Variants in KHDRBS3 observed in about 807,000 individuals in gnomAD.
KHDRBS3 encodes the protein KH RNA binding domain containing, signal transduction associated 3.
In KHDRBS3, 23 loss-of-function variants were observed where a neutral mutation model predicts 45.6. That is an observed-to-expected ratio of 0.50 (90% CI 0.36 to 0.72). The LOEUF is 0.72. KHDRBS3 is among the 30% of genes least tolerant of loss of function. The probability of loss-of-function intolerance (pLI) is 0.00; values close to 1 mark genes in which losing one functional copy is unlikely to be tolerated. For synonymous variants in KHDRBS3, 162 were observed against 156.5 expected (o/e 1.04, Z -0.26); for missense variants, 352 against 424.8 (o/e 0.83, Z 1.51).
At chr8:135,613,513 A>C (rs764598830) in intron 7 of KHDRBS3, among the ~76,000 whole-genome samples, 1 of 151,770 alleles carries the variant, frequency 6.6e-6, no homozygotes, top group Non-Finnish European at 1.5e-5. Flanking sequence ...TCTCTGCTTG[A>C]GGACTGAATG....
intron 1 of KHDRBS3, among the ~76,000 whole-genome samples, chr8:135,519,912 A>G (rs1824821463): frequency 6.6e-6 from 1 of 152,206 alleles, no homozygotes; most frequent in Admixed American, 6.5e-5. Flanking sequence ...CAAAGCCTCT[A>G]GCTTAAATAA....
At position 135,494,273 on chromosome 8, in the gene KHDRBS3, A is replaced by ATTTTTTTTTTTTTT. The variant is rs386414089; in HGVS notation, c.89-26954_89-26941dup. On this transcript the variant is annotated intron_variant, in intron 1 of 8. Coordinates refer to ENST00000355849, the MANE Select transcript of KHDRBS3 (RefSeq NM_006558.3). ...TATTTTTTCCTCTTCTGTTTCTCTT[A>ATTTTTTTTTTTTTT]TTTTTTTTTTTTTTTTTTTTTTTGA... Among the ~76,000 whole-genome samples the ATTTTTTTTTTTTTT allele has an allele frequency of 3.8e-5, 3 of 78,624 alleles. 1 individual carries two copies. The highest frequency in any genetic ancestry group is 6.6e-5 in the Non-Finnish European group (3 of 45,478). 51.6% of individuals were successfully genotyped at this position (78,624 alleles called of 152,430 possible).
At chr8:135,622,985 T>G (rs1261259983) in intron 7 of KHDRBS3, among the ~76,000 whole-genome samples, 1 of 152,222 alleles carries the variant, frequency 6.6e-6, no homozygotes, top group Non-Finnish European at 1.5e-5. Flanking sequence ...TGACCCCTTT[T>G]CTACTCTCCA....
chr8:135,644,389 T>A (rs540316765), intron 7 of KHDRBS3, among the ~76,000 whole-genome samples: 6 of 152,166 alleles, frequency 3.9e-5, no homozygotes, highest in Non-Finnish European at 8.8e-5. Flanking sequence ...ACTGCAGAGA[T>A]CCATTTCCCT....
chr8:135,595,299 C>T (rs1828924503), intron 6 of KHDRBS3, among the ~76,000 whole-genome samples: 1 of 152,090 alleles, frequency 6.6e-6, no homozygotes, highest in Non-Finnish European at 1.5e-5. Context: ...TGCTGTGTGG[C>T]TTGGTTGTAT....
chr8:135,488,984 C>G (rs1823004199), intron 1 of KHDRBS3, among the ~76,000 whole-genome samples: 1 of 152,100 alleles, frequency 6.6e-6, no homozygotes, highest in Non-Finnish European at 1.5e-5. Flanking sequence ...TTTAAGCCTT[C>G]TGTATTTTTC....
At chr8:135,522,318 A>G (rs961207587) in intron 2 of KHDRBS3, among the ~76,000 whole-genome samples, 1 of 152,202 alleles carries the variant, frequency 6.6e-6, no homozygotes, top group East Asian at 1.9e-4. Context: ...CATAGTGTAT[A>G]TGTACCACAT....
chr8:135,591,059 T>C (rs1828721155), intron 6 of KHDRBS3, among the ~76,000 whole-genome samples: 2 of 152,206 alleles, frequency 1.3e-5, no homozygotes, highest in Non-Finnish European at 2.9e-5. Context: ...AAGATGTTTG[T>C]TGAACAGAGT....
intron 1 of KHDRBS3, among the ~76,000 whole-genome samples, chr8:135,475,167 C>A (rs1312500650): frequency 6.6e-6 from 1 of 152,172 alleles, no homozygotes; most frequent in Non-Finnish European, 1.5e-5. Context: ...AGCCCTAATT[C>A]CCCTTTGACA....
chr8:135,498,217 T>A (rs1823558108), intron 1 of KHDRBS3, among the ~76,000 whole-genome samples: 1 of 152,194 alleles, frequency 6.6e-6, no homozygotes, highest in Non-Finnish European at 1.5e-5. Flanking sequence ...TCCTTGGGGA[T>A]TCTTTTGGGG....
intron 1 of KHDRBS3, among the ~76,000 whole-genome samples, chr8:135,489,375 A>G (rs995357187): frequency 2.6e-5 from 4 of 152,196 alleles, no homozygotes; most frequent in Non-Finnish European, 5.9e-5. Flanking sequence ...TTTAACAAAA[A>G]TAGTTTAAAA....
chr8:135,652,271 G>A (rs530277669), downstream of KHDRBS3, among the ~76,000 whole-genome samples: 31 of 152,206 alleles, frequency 2.0e-4, no homozygotes, highest in East Asian at 1.7e-3. Context: ...GGAAAATCCC[G>A]TCCAGTTGAA....
chr8:135,536,222 G>T (rs918403737), intron 2 of KHDRBS3, among the ~76,000 whole-genome samples: 13 of 97,556 alleles, frequency 1.3e-4, no homozygotes, highest in African/African-American at 4.2e-4. Flanking sequence ...GTGTTAATTT[G>T]CTTTCTGTCC....
chr8:135,520,840 C>T (rs1323636228), intron 1 of KHDRBS3, among the ~76,000 whole-genome samples: 1 of 152,186 alleles, frequency 6.6e-6, no homozygotes, highest in Non-Finnish European at 1.5e-5. Context: ...TTGTAGAAGC[C>T]TTGAAAAGCC....
At chr8:135,618,476 C>T (rs1830007392) in intron 7 of KHDRBS3, among the ~76,000 whole-genome samples, 1 of 152,142 alleles carries the variant, frequency 6.6e-6, no homozygotes, top group South Asian at 2.1e-4. Context: ...GGTTTACATA[C>T]TAATAAGTCA....
At chr8:135,491,065 G>A (rs1049746239) in intron 1 of KHDRBS3, among the ~76,000 whole-genome samples, 2 of 152,118 alleles carry the variant, frequency 1.3e-5, no homozygotes, top group African/African-American at 2.4e-5. Flanking sequence ...CTTAATTTAT[G>A]TATATTTTTC....
At chr8:135,531,172 CTA>C (rs948875509) in intron 2 of KHDRBS3, among the ~76,000 whole-genome samples, 2 of 152,054 alleles carry the variant, frequency 1.3e-5, no homozygotes, top group African/African-American at 4.8e-5. Flanking sequence ...GTGTGCATGT[CTA>C]TGTTTTTTTT....
Position 135,596,381 on chromosome 8 carries a change from G to A in KHDRBS3, c.808-10574G>A, listed in dbSNP as rs545017134. 2.0e-4 allele frequency among the ~76,000 whole-genome samples: 31 copies of A among 152,278 alleles called. No individual in the cohort carries two copies. The South Asian group carries it at 4.3e-3, about 21-fold the overall frequency. On this transcript the variant is annotated intron_variant, in intron 6 of 8. Coordinates refer to ENST00000355849, the MANE Select transcript of KHDRBS3 (RefSeq NM_006558.3). The stretch of plus-strand genomic sequence containing the variant: ...TAAGGGTCCACCCAGCTTAGGTGAA[G>A]GGACTGATAAATCCCCTTGGCTGTG...
At chr8:135,566,997 T>C (rs901022938) in intron 5 of KHDRBS3, among the ~76,000 whole-genome samples, 1 of 152,164 alleles carries the variant, frequency 6.6e-6, no homozygotes, top group African/African-American at 2.4e-5. Context: ...GATCCTTTAA[T>C]GGACCCCAAG....
Sources: allele counts gnomAD v4.1 joint callset (sites outside exome capture counted in the v4.1 genomes callset), GRCh38; gene constraint gnomAD v4.1.1; transcripts MANE v1.5; gene names NCBI Gene and HGNC (gene_info 2026-07-23, HGNC 2026-07-21).